The following EPHA5 variants were observed in gnomAD, a reference collection of about 807,000 sequenced individuals.
EPHA5 encodes the protein EPH receptor A5, also known as ephrin type-A receptor 5.
In EPHA5, 60 loss-of-function variants were observed where a neutral mutation model predicts 105.0. The observed-to-expected ratio is 0.57, with a 90% CI of 0.46 to 0.71. EPHA5 has a LOEUF of 0.71. Ranked by LOEUF, EPHA5 falls within the 30% of genes least tolerant of loss-of-function variation. EPHA5 has a pLI of 0.00. For missense variants in EPHA5, 1,218 were observed against 1,274.7 expected, an observed-to-expected ratio of 0.96 and a Z score of 0.68; for synonymous variants, 513 against 449.1, an observed-to-expected ratio of 1.14 and a Z score of -1.80.
At chr4:65,436,949 G>T (rs1308209417) in intron 5 of EPHA5, among the ~76,000 whole-genome samples, 1 of 151,836 alleles carries the variant, frequency 6.6e-6, no homozygotes, top group East Asian at 1.9e-4. Flanking sequence ...TAATAACATA[G>T]TAGGGAAGAA....
At chr4:65,440,412 A>G (rs1055775829) in intron 5 of EPHA5, among the ~76,000 whole-genome samples, 1 of 151,954 alleles carries the variant, frequency 6.6e-6, no homozygotes, top group Admixed American at 6.6e-5. Context: ...GTGTGCAAAA[A>G]TTTAGTAATA....
chr4:65,619,102 C>T (rs1273647399), intron 2 of EPHA5, among the ~76,000 whole-genome samples: 2 of 151,992 alleles, frequency 1.3e-5, no homozygotes, highest in East Asian at 3.9e-4. Context: ...GAGCAGAGAT[C>T]GCGGCACTGC....
At chr4:65,509,582 C>A (rs1733399171) in intron 3 of EPHA5, among the ~76,000 whole-genome samples, 1 of 152,152 alleles carries the variant, frequency 6.6e-6, no homozygotes. Flanking sequence ...TATATCTTAA[C>A]CCATATTAGA....
rs560335831 is a variant in EPHA5 at position 65,383,984 on chromosome 4, G to T, written c.1794-16560C>A. 2.6e-5 allele frequency among the ~76,000 whole-genome samples: 4 copies of T among 151,966 alleles called. No homozygotes were observed. In the South Asian group the frequency reaches 6.2e-4, roughly 24 times the overall value. On this transcript the variant is annotated intron_variant, in intron 8 of 16. Coordinates refer to ENST00000613740, the MANE Select transcript of EPHA5 (RefSeq NM_001281766.3). ...TTTTTAAAAAGAAAATCTTGCATGT[G>T]TATGATGTGCATGTAAAAATTAACT...
chr4:65,530,674 T>C (rs1196678124), intron 3 of EPHA5, among the ~76,000 whole-genome samples: 1 of 152,230 alleles, frequency 6.6e-6, no homozygotes, highest in Non-Finnish European at 1.5e-5. Context: ...AGACTTCTGA[T>C]AATTTTCTTG....
chr4:65,359,987 C>A (rs1029708165), intron 11 of EPHA5, among the ~76,000 whole-genome samples: 19 of 151,576 alleles, frequency 1.3e-4, no homozygotes, highest in African/African-American at 3.9e-4. Context: ...TCCACTGCAG[C>A]GCCAATGGCC....
chr4:65,551,323 A>G (rs1737900633), intron 3 of EPHA5, among the ~76,000 whole-genome samples: 1 of 150,838 alleles, frequency 6.6e-6, no homozygotes, highest in Non-Finnish European at 1.5e-5. Context: ...ATCATTTATT[A>G]TCTAAACCTA....
intron 14 of EPHA5, among the ~76,000 whole-genome samples, chr4:65,342,772 G>A (rs35669717): frequency 0.3 from 44,633 of 151,154 alleles, 7,418 homozygotes; most frequent in East Asian, 0.44. Flanking sequence ...TACTGCTGAT[G>A]TATGTATATA....
chr4:65,345,698 C>T (rs912071126), intron 14 of EPHA5, among the ~76,000 whole-genome samples: 2 of 152,254 alleles, frequency 1.3e-5, no homozygotes, highest in Non-Finnish European at 2.9e-5. Flanking sequence ...AGAACTAATG[C>T]CTAGGCAATT....
chr4:65,662,334 T>C (rs1749625415), intron 1 of EPHA5, among the ~76,000 whole-genome samples: 1 of 152,184 alleles, frequency 6.6e-6, no homozygotes, highest in East Asian at 1.9e-4. Context: ...GTTTTGGCTC[T>C]TTAATTTTTT....
At chr4:65,360,276 G>T (rs1249256946) in intron 11 of EPHA5, among the ~76,000 whole-genome samples, 1 of 151,630 alleles carries the variant, frequency 6.6e-6, no homozygotes, top group African/African-American at 2.4e-5. Flanking sequence ...CAGAAACTCA[G>T]TCGGTTTAAT....
intron 3 of EPHA5, among the ~76,000 whole-genome samples, chr4:65,508,321 T>C (rs1449081841): frequency 6.6e-6 from 1 of 152,084 alleles, no homozygotes; most frequent in Non-Finnish European, 1.5e-5. Context: ...CTATGAATCA[T>C]TGAGTGAGTA....
chr4:65,590,208 C>G (rs750768051), intron 3 of EPHA5, among the ~76,000 whole-genome samples: 2 of 152,064 alleles, frequency 1.3e-5, no homozygotes, highest in Admixed American at 6.6e-5. Context: ...ATAAACTACA[C>G]CTTTACAGTG....
In EPHA5 at chr4:65,321,709, A is replaced by T. The variant is rs1437023575; in HGVS notation, c.*2405T>A. Reference sequence around the variant, plus strand: ...TATTCTTCCTTTGTTAAAAAGAGAAAATCTATATTGCAACTTAAAGTTCTA... The same window carrying T: ...TATTCTTCCTTTGTTAAAAAGAGAATATCTATATTGCAACTTAAAGTTCTA... On this transcript the variant is annotated 3_prime_UTR_variant, in exon 17 of 17. Transcript: ENST00000613740. 5.7e-5 allele frequency: 13 copies of T among 228,718 alleles called. No individual in the cohort carries two copies. The highest frequency in any genetic ancestry group is 1.0e-4 in the Non-Finnish European group (12 of 115,214). The allele number at this position is 228,718 out of a possible 1,614,324, so 14.2% of individuals were successfully genotyped here.
At chr4:65,369,304 G>T (rs563345199) in intron 8 of EPHA5, among the ~76,000 whole-genome samples, 2 of 152,204 alleles carry the variant, frequency 1.3e-5, no homozygotes, top group East Asian at 1.9e-4. Context: ...TGGCTAAAAT[G>T]AAAATATTTA....
At chr4:65,486,445 G>A (rs879307869) in intron 5 of EPHA5, among the ~76,000 whole-genome samples, 2 of 152,024 alleles carry the variant, frequency 1.3e-5, no homozygotes, top group Non-Finnish European at 2.9e-5. Context: ...CTTACAGAGA[G>A]GGCCAAAGGG....
intron 8 of EPHA5, among the ~76,000 whole-genome samples, chr4:65,388,808 C>G (rs4860655): frequency 0.52 from 76,946 of 148,202 alleles, 20,176 homozygotes; most frequent in East Asian, 0.78. Context: ...TGCAGAAGCT[C>G]TTTAGTTTAA....
chr4:65,574,601 T>TATATATATACATATATATATACACAC (rs1491430361), intron 3 of EPHA5, among the ~76,000 whole-genome samples: 2 of 87,786 alleles, frequency 2.3e-5, no homozygotes, highest in African/African-American at 9.4e-5. Flanking sequence ...TATATTGCTG[T>TATATATATACATATATATATACACAC]ATATATATAT....
chr4:65,605,773 C>T lies in EPHA5; in HGVS notation c.247-3469G>A, dbSNP rs555294150. Reference sequence around the variant, plus strand: ...AGAAGAAAAGTACAAGCCCGAAGCTCTAGTTTTAGTCCCAGCTCTTATAAT... The same window carrying T: ...AGAAGAAAAGTACAAGCCCGAAGCTTTAGTTTTAGTCCCAGCTCTTATAAT... On this transcript the variant is annotated intron_variant, in intron 2 of 16. Transcript: ENST00000613740. Among the ~76,000 whole-genome samples the T allele has an allele frequency of 2.0e-5, 3 of 152,130 alleles. No individual in the cohort carries two copies. In the South Asian group the frequency reaches 6.2e-4, roughly 32 times the overall value.
Sources: gnomAD v4.1 joint callset for allele counts (sites outside exome capture counted in the v4.1 genomes callset) on GRCh38, gnomAD v4.1.1 for gene constraint, MANE v1.5 for transcripts, NCBI Gene and HGNC (gene_info 2026-07-23, HGNC 2026-07-21) for gene names.